Variants in RAB38 observed in about 807,000 individuals in gnomAD.
RAB38 encodes RAB38, member RAS oncogene family, also known as ras-related protein Rab-38.
Under a neutral mutation model 18.4 loss-of-function variants are expected in RAB38, and 15 were observed. The observed-to-expected ratio is 0.82, with a 90% confidence interval of 0.55 to 1.26. RAB38 has a LOEUF of 1.26. Ranked by LOEUF, RAB38 falls within the 50% of genes most tolerant of loss-of-function variation. The pLI is 0.00. For synonymous variants in RAB38, 101 were observed against 104.4 expected, an observed-to-expected ratio of 0.97 and a Z score of 0.20; for missense variants, 294 against 267.4, an observed-to-expected ratio of 1.10 and a Z score of -0.69.
At chr11:87,927,787 C>T in the RAB38 span, among the ~76,000 whole-genome samples, 111 of 152,058 alleles carry the variant, frequency 7.3e-4, no homozygotes, top group African/African-American at 2.6e-3. Flanking sequence ...AGGCTATTGG[C>T]GGAGCAAGAT....
At chr11:88,139,462 A>G (rs1431872574) in intron 2 of RAB38, among the ~76,000 whole-genome samples, 1 of 152,188 alleles carries the variant, frequency 6.6e-6, no homozygotes. Flanking sequence ...ACTTCATACT[A>G]TATTGTAAAT....
At chr11:87,958,001 T>A in the RAB38 span, among the ~76,000 whole-genome samples, 1 of 152,142 alleles carries the variant, frequency 6.6e-6, no homozygotes, top group East Asian at 1.9e-4. Context: ...TTACAATGAT[T>A]CGACTTACGA....
At chr11:88,143,247 A>G (rs1337783176) in intron 2 of RAB38, among the ~76,000 whole-genome samples, 1 of 152,236 alleles carries the variant, frequency 6.6e-6, no homozygotes, top group African/African-American at 2.4e-5. Context: ...TATTTCAAGG[A>G]TAAGCTAAAA....
At chr11:87,883,291 G>T in the RAB38 span, among the ~76,000 whole-genome samples, 34 of 152,016 alleles carry the variant, frequency 2.2e-4, no homozygotes, top group Admixed American at 2.1e-3. Context: ...CAGAATCCTT[G>T]ATAAGGGAAA....
the RAB38 span, among the ~76,000 whole-genome samples, chr11:87,977,823 G>T: frequency 2.0e-5 from 2 of 99,206 alleles, no homozygotes; most frequent in Admixed American, 1.3e-4. Flanking sequence ...TTAAATATAT[G>T]TTCCTATATA....
the RAB38 span, among the ~76,000 whole-genome samples, chr11:87,971,162 A>T: frequency 6.6e-6 from 1 of 152,024 alleles, no homozygotes; most frequent in Admixed American, 6.6e-5. Flanking sequence ...AGCTGAGTAG[A>T]TTTCAAGCTA....
At chr11:87,808,860 A>G in the RAB38 span, among the ~76,000 whole-genome samples, 2 of 152,154 alleles carry the variant, frequency 1.3e-5, no homozygotes, top group African/African-American at 2.4e-5. Context: ...AAAGTATTCT[A>G]ATTCCTTTGC....
the RAB38 span, among the ~76,000 whole-genome samples, chr11:87,875,251 T>C: frequency 2.0e-5 from 3 of 151,480 alleles, no homozygotes; most frequent in Admixed American, 1.3e-4. Flanking sequence ...ATTATATACA[T>C]ATATACAATA....
chr11:88,081,802 C>T, the RAB38 span, among the ~76,000 whole-genome samples: 16 of 151,840 alleles, frequency 1.1e-4, no homozygotes, highest in Admixed American at 6.6e-4. Flanking sequence ...CCTTTTGGAA[C>T]GCCACATTCA....
the RAB38 span, among the ~76,000 whole-genome samples, chr11:87,842,801 C>CAT: frequency 1.1e-5 from 1 of 93,382 alleles, no homozygotes; most frequent in African/African-American, 5.1e-5. Context: ...CATGCACACA[C>CAT]ACACACACGC....
chr11:87,853,786 A>C, the RAB38 span, among the ~76,000 whole-genome samples: 1 of 152,226 alleles, frequency 6.6e-6, no homozygotes, highest in Non-Finnish European at 1.5e-5. Flanking sequence ...TAATAGTTTT[A>C]AATTACACAA....
the RAB38 span, among the ~76,000 whole-genome samples, chr11:88,006,598 T>A: frequency 7.3e-6 from 1 of 137,912 alleles, no homozygotes; most frequent in Non-Finnish European, 1.6e-5. Context: ...GTATATAATA[T>A]ATATACACAT....
At chr11:87,828,373 A>T in the RAB38 span, among the ~76,000 whole-genome samples, 1 of 152,144 alleles carries the variant, frequency 6.6e-6, no homozygotes, top group Non-Finnish European at 1.5e-5. Flanking sequence ...CCATCAAGAT[A>T]TTTTAAGTTT....
chr11:87,955,815 C>T, the RAB38 span, among the ~76,000 whole-genome samples: 1 of 151,752 alleles, frequency 6.6e-6, no homozygotes, highest in Non-Finnish European at 1.5e-5. Flanking sequence ...ACTGTGGGGT[C>T]ATGCCTCATA....
the RAB38 span, among the ~76,000 whole-genome samples, chr11:88,080,436 T>C: frequency 3.2e-4 from 48 of 152,016 alleles, 1 homozygote; most frequent in South Asian, 8.9e-3. Flanking sequence ...ATGTATTAAT[T>C]GGACTACTCA....
the RAB38 span, among the ~76,000 whole-genome samples, chr11:88,099,751 T>C: frequency 1.3e-5 from 2 of 151,848 alleles, no homozygotes; most frequent in Admixed American, 6.6e-5. Flanking sequence ...CAAATCTTTC[T>C]AAATCTAAAT....
the RAB38 span, among the ~76,000 whole-genome samples, chr11:87,813,675 C>T: frequency 6.6e-6 from 1 of 152,134 alleles, no homozygotes; most frequent in Admixed American, 6.5e-5. Context: ...GGTATTAAAG[C>T]AACTTTCGTA....
At chr11:88,072,671 A>G in the RAB38 span, among the ~76,000 whole-genome samples, 1 of 152,208 alleles carries the variant, frequency 6.6e-6, no homozygotes, top group African/African-American at 2.4e-5. Flanking sequence ...AAGGAAAAAT[A>G]CAAACATTTT....
At chr11:88,135,283 T>G (rs1942822484) in intron 2 of RAB38, among the ~76,000 whole-genome samples, 1 of 152,218 alleles carries the variant, frequency 6.6e-6, no homozygotes, top group South Asian at 2.1e-4. Context: ...TTACGTTTAT[T>G]TACCATTTTA....
Sources: allele counts gnomAD v4.1 joint callset (sites outside exome capture counted in the v4.1 genomes callset), GRCh38; gene constraint gnomAD v4.1.1; transcripts MANE v1.5; gene names NCBI Gene and HGNC (gene_info 2026-07-23, HGNC 2026-07-21).